Variants in BCAS1 observed in about 807,000 individuals in gnomAD.
BCAS1 encodes breast carcinoma-amplified sequence 1.
In BCAS1, 46 loss-of-function variants were observed where a neutral mutation model predicts 65.4. The observed-to-expected ratio is 0.70, with a 90% confidence interval of 0.55 to 0.90. The LOEUF (loss-of-function observed/expected upper bound fraction) is 0.90, where lower values mean the gene tolerates loss of function less well. Among genes scored for constraint, BCAS1 ranks in the 40% least tolerant of loss-of-function variants. The probability of loss-of-function intolerance (pLI) is 0.00; values close to 1 mark genes in which losing one functional copy is unlikely to be tolerated. For synonymous variants in BCAS1, 298 were observed against 293.5 expected, an observed-to-expected ratio of 1.02 and a Z score of -0.16; for missense variants, 793 against 771.2, an observed-to-expected ratio of 1.03 and a Z score of -0.33.
intron 4 of BCAS1, among the ~76,000 whole-genome samples, chr20:54,008,808 A>ATT (rs879383985): frequency 7.6e-5 from 11 of 144,838 alleles, no homozygotes; most frequent in Admixed American, 2.1e-4. Flanking sequence ...TCTAACAAAG[A>ATT]TTTTTTTTTT....
chr20:54,037,895 C>T (rs183866347), intron 3 of BCAS1, among the ~76,000 whole-genome samples: 21 of 151,132 alleles, frequency 1.4e-4, no homozygotes, highest in East Asian at 1.9e-4. Context: ...TAGTGGATAC[C>T]CAAGAAAAAA....
intron 4 of BCAS1, among the ~76,000 whole-genome samples, chr20:54,019,273 T>C (rs1176835093): frequency 6.6e-6 from 1 of 152,202 alleles, no homozygotes; most frequent in African/African-American, 2.4e-5. Context: ...AACAGCTACA[T>C]GGATGATTAA....
At position 54,038,496 on chromosome 20, in the gene BCAS1, T is replaced by TTGGGA. The variant is rs1245188458; in HGVS notation, c.143-9525_143-9524insTCCCA. ...ATGGGTGAAGCAGCAAGCACAGAGCTTGGGGCACAGCCTAGCAAACACTCC... is the reference window on the plus strand; with the variant it reads ...ATGGGTGAAGCAGCAAGCACAGAGCTTGGGATGGGGCACAGCCTAGCAAACACTCC... On this transcript the variant is annotated intron_variant, in intron 3 of 12. Coordinates refer to ENST00000688948, the MANE Select transcript of BCAS1 (RefSeq NM_001366298.2). Among the ~76,000 whole-genome samples the TTGGGA allele has an allele frequency of 2.0e-5, 3 of 151,198 alleles. No individual in the cohort carries two copies. The East Asian group carries it at 5.8e-4, about 29-fold the overall frequency.
intron 12 of BCAS1, among the ~76,000 whole-genome samples, chr20:53,951,700 C>T (rs966633756): frequency 1.3e-5 from 2 of 152,186 alleles, no homozygotes; most frequent in African/African-American, 4.8e-5. Context: ...AGAAGACTTG[C>T]GTTGGCAAAT....
chr20:54,014,790 G>A (rs2091397876), intron 4 of BCAS1, among the ~76,000 whole-genome samples: 1 of 152,180 alleles, frequency 6.6e-6, no homozygotes, highest in South Asian at 2.1e-4. Context: ...CGCGAGCACA[G>A]AGGGTTCGAT....
At chr20:54,062,474 A>G (rs2092387817) in intron 1 of BCAS1, among the ~76,000 whole-genome samples, 1 of 152,232 alleles carries the variant, frequency 6.6e-6, no homozygotes, top group Non-Finnish European at 1.5e-5. Context: ...ACATGCAAGA[A>G]TATATACACA....
chr20:54,005,980 G>A (rs1460744787), intron 4 of BCAS1, among the ~76,000 whole-genome samples: 1 of 152,210 alleles, frequency 6.6e-6, no homozygotes, highest in Non-Finnish European at 1.5e-5. Flanking sequence ...GAGTCAGACT[G>A]AGGAAGTGTT....
chr20:54,024,446 G>A (rs1568889299), intron 4 of BCAS1, among the ~76,000 whole-genome samples: 1 of 152,166 alleles, frequency 6.6e-6, no homozygotes, highest in Non-Finnish European at 1.5e-5. Context: ...GCAGCCAAAT[G>A]GGGATGTAGA....
chr20:54,057,697 G>A (rs1359573587), intron 3 of BCAS1, among the ~76,000 whole-genome samples: 2 of 152,148 alleles, frequency 1.3e-5, no homozygotes, highest in African/African-American at 2.4e-5. Context: ...TATTAGGGTG[G>A]GCCCTAATCC....
At chr20:53,967,536 C>T (rs1182700183) in intron 9 of BCAS1, among the ~76,000 whole-genome samples, 1 of 152,198 alleles carries the variant, frequency 6.6e-6, no homozygotes, top group African/African-American at 2.4e-5. Context: ...AAACTGTCCT[C>T]TTTGTAGAAA....
At chr20:54,063,188 T>C (rs1318312302) in intron 1 of BCAS1, among the ~76,000 whole-genome samples, 1 of 152,198 alleles carries the variant, frequency 6.6e-6, no homozygotes, top group Non-Finnish European at 1.5e-5. Context: ...GACATCAGTG[T>C]AGCACATAGG....
intron 3 of BCAS1, among the ~76,000 whole-genome samples, chr20:54,042,400 A>T (rs2092015985): frequency 6.6e-6 from 1 of 152,326 alleles, no homozygotes; most frequent in East Asian, 1.9e-4. Flanking sequence ...ATAAAAGTTT[A>T]AAAAAATAAA....
intron 3 of BCAS1, among the ~76,000 whole-genome samples, chr20:54,050,658 G>A (rs974081835): frequency 6.6e-6 from 1 of 152,134 alleles, no homozygotes; most frequent in Middle Eastern, 3.2e-3. Context: ...TGTCACCTGC[G>A]AGGCCAACGT....
chr20:53,951,828 G>T (rs2089536306), intron 12 of BCAS1, among the ~76,000 whole-genome samples: 1 of 152,220 alleles, frequency 6.6e-6, no homozygotes, highest in Non-Finnish European at 1.5e-5. Flanking sequence ...AGGACTACAT[G>T]ATTAGTTTGA....
chr20:53,977,816 G>A (rs1286763172), intron 8 of BCAS1, among the ~76,000 whole-genome samples: 1 of 151,846 alleles, frequency 6.6e-6, no homozygotes, highest in Non-Finnish European at 1.5e-5. Context: ...ACTCATTTTG[G>A]GAAATAATCC....
At chr20:54,062,696 T>C (rs1404662359) in intron 1 of BCAS1, among the ~76,000 whole-genome samples, 7 of 152,110 alleles carry the variant, frequency 4.6e-5, no homozygotes, top group Non-Finnish European at 1.0e-4. Context: ...TCCCACAGAG[T>C]TGGGGTTACA....
chr20:53,948,257 T>C (rs1293427501), intron 12 of BCAS1, among the ~76,000 whole-genome samples: 1 of 152,168 alleles, frequency 6.6e-6, no homozygotes, highest in Non-Finnish European at 1.5e-5. Flanking sequence ...AGCTTGATCT[T>C]GGGGCTTGAT....
rs117298647 is a variant in BCAS1, at chr20:53,963,677, G to A, written c.1485+3229C>T. 5.3e-4 allele frequency among the ~76,000 whole-genome samples: 81 copies of A among 152,166 alleles called. 2 individuals carry two copies. In the East Asian group the frequency reaches 0.015, roughly 28 times the overall value. On this transcript the variant is annotated intron_variant, in intron 10 of 12. Transcript: ENST00000688948. ...TTTATTTGGCTCAACATCCCCAACC[G>A]CTCAAAAAACCCTTAGCGATGGGCC...
chr20:53,984,688 A>AC (rs2145770790), intron 8 of BCAS1, among the ~76,000 whole-genome samples: 1 of 152,204 alleles, frequency 6.6e-6, no homozygotes, highest in East Asian at 1.9e-4. Context: ...TAAGGAATAG[A>AC]TCTAGAATAA....
Sources: allele counts gnomAD v4.1 joint callset (sites outside exome capture counted in the v4.1 genomes callset), GRCh38; gene constraint gnomAD v4.1.1; transcripts MANE v1.5; gene names NCBI Gene and HGNC (gene_info 2026-07-23, HGNC 2026-07-21).